UGT1A5: variants seen among roughly 807,000 people sequenced by gnomAD.
The protein encoded by UGT1A5 is UDP-glucuronosyltransferase 1A5.
In UGT1A5, 29 loss-of-function variants were observed where a neutral mutation model predicts 40.3. The ratio of observed to expected loss-of-function variants is 0.72; its 90% CI spans 0.54 to 0.98. The LOEUF is 0.98. UGT1A5 is among the 50% of genes least tolerant of loss of function. The pLI is 0.00. For missense variants in UGT1A5, 678 were observed against 677.9 expected, an observed-to-expected ratio of 1.00 and a Z score of 0.00; for synonymous variants, 257 against 262.5, an observed-to-expected ratio of 0.98 and a Z score of 0.20.
rs950702483 is a variant in UGT1A5 at position 233,748,193 on chromosome 2, C to G, written c.868-18841C>G. 9.0e-6 allele frequency: 14 copies of G among 1,552,524 alleles called. No individual in the cohort carries two copies. The Admixed American group carries it at 2.6e-4, about 28-fold the overall frequency. ...TATCTTTCTGGTGCTTTTATTTCTGCTTGTCGTAATAGCCTTCAGTGAGAT... is the reference window on the plus strand; with the variant it reads ...TATCTTTCTGGTGCTTTTATTTCTGGTTGTCGTAATAGCCTTCAGTGAGAT... On this transcript the variant is annotated intron_variant, in intron 1 of 4. Transcript: ENST00000373414.
chr2:233,732,318 G>A (rs1386419482), intron 1 of UGT1A5, among the ~76,000 whole-genome samples: 3 of 152,170 alleles, frequency 2.0e-5, no homozygotes, highest in African/African-American at 7.2e-5. Flanking sequence ...GTCTATTTTG[G>A]CTTTTGTTGC....
At chr2:233,724,957 G>A in intron 1 of UGT1A5, among the ~76,000 whole-genome samples, 1 of 142,916 alleles carries the variant, frequency 7.0e-6, no homozygotes, top group Non-Finnish European at 1.5e-5. Flanking sequence ...GGCACCTCGG[G>A]AGGCCGAGGT....
intron 1 of UGT1A5, chr2:233,729,832 T>G (rs1469458626): frequency 1.2e-6 from 2 of 1,613,822 alleles, no homozygotes; most frequent in African/African-American, 1.3e-5. Context: ...AAGCCTTGCC[T>G]CTGAGCTTTT....
At position 233,759,547 on chromosome 2, in the gene UGT1A5, A is replaced by G. The variant is rs1173613989; in HGVS notation, c.868-7487A>G. On this transcript the variant is annotated intron_variant, in intron 1 of 4. Transcript: ENST00000373414. ...GAAGACTTCTGTTCACATGCGCTCC[A>G]GTGAATTTCCCTTTCTGGTCATTCT... Among the ~76,000 whole-genome samples the G allele has an allele frequency of 8.5e-5, 13 of 152,244 alleles. No individual in the cohort carries two copies. The East Asian group carries it at 2.5e-3, about 29-fold the overall frequency.
intron 1 of UGT1A5, chr2:233,754,697 C>T (rs1559399199): frequency 1.4e-5 from 7 of 503,130 alleles, no homozygotes; most frequent in Admixed American, 1.2e-4. Flanking sequence ...CAGTGGAAGT[C>T]GACATGGACT....
At chr2:233,737,896 G>C (rs1414538821) in intron 1 of UGT1A5, among the ~76,000 whole-genome samples, 1 of 152,068 alleles carries the variant, frequency 6.6e-6, no homozygotes, top group Non-Finnish European at 1.5e-5. Context: ...TAATTTTCGA[G>C]TGTGGTAAAG....
At chr2:233,724,792 G>A (rs992945436) in intron 1 of UGT1A5, among the ~76,000 whole-genome samples, 1 of 140,672 alleles carries the variant, frequency 7.1e-6, no homozygotes, top group Non-Finnish European at 1.5e-5. Flanking sequence ...CTTCCCAGAC[G>A]GGGTGGCGGC....
chr2:233,762,997 ATCATT>A (rs1212266483), intron 1 of UGT1A5, among the ~76,000 whole-genome samples: 2 of 152,206 alleles, frequency 1.3e-5, no homozygotes, highest in African/African-American at 4.8e-5. Context: ...GAAATTGATT[ATCATT>A]TCATTATTTT....
At chr2:233,765,957 T>C (rs1248795427) in intron 1 of UGT1A5, among the ~76,000 whole-genome samples, 3 of 151,920 alleles carry the variant, frequency 2.0e-5, no homozygotes, top group Non-Finnish European at 2.9e-5. Flanking sequence ...TCACCGGCAG[T>C]GTCTAGAGGT....
chr2:233,743,994 TG>T, intron 1 of UGT1A5: 1 of 1,253,164 alleles, frequency 8.0e-7, no homozygotes, highest in Non-Finnish European at 1.0e-6. Flanking sequence ...CAGGCCCGAG[TG>T]CTCGGAGACC....
chr2:233,714,306 TAGAG>T (rs2076379080), intron 1 of UGT1A5, among the ~76,000 whole-genome samples: 3 of 152,124 alleles, frequency 2.0e-5, no homozygotes, highest in African/African-American at 7.2e-5. Context: ...TTGCAAAAGA[TAGAG>T]AGGTGACCAC....
At chr2:233,725,753 T>TA (rs1238799010) in intron 1 of UGT1A5, among the ~76,000 whole-genome samples, 1 of 152,188 alleles carries the variant, frequency 6.6e-6, no homozygotes, top group Non-Finnish European at 1.5e-5. Context: ...GTAAGAGACT[T>TA]ACATTTTCTT....
chr2:233,754,874 G>C, intron 1 of UGT1A5: 2 of 1,352,006 alleles, frequency 1.5e-6, no homozygotes, highest in Admixed American at 1.9e-5. Flanking sequence ...CTCTGCTTCT[G>C]CTTCCCAGGG....
chr2:233,772,072 C>T (rs1304190129), intron 4 of UGT1A5, among the ~76,000 whole-genome samples, 190 bp from the exon 5 acceptor site: 2 of 152,100 alleles, frequency 1.3e-5, no homozygotes, highest in Non-Finnish European at 2.9e-5. Flanking sequence ...ATGCTTGTGC[C>T]ACTACACTCC....
chr2:233,729,180 T>C (rs373402763), intron 1 of UGT1A5: 150 of 1,613,780 alleles, frequency 9.3e-5, no homozygotes, highest in Middle Eastern at 1.7e-4. Flanking sequence ...GACTGCTGCT[T>C]CTCCTCAGTG....
At position 233,772,792 on chromosome 2, in the gene UGT1A5, A is replaced by C; in HGVS notation, c.*233A>C. 2.5e-6 allele frequency: 3 copies of C among 1,219,898 alleles called. No individual in the cohort carries two copies. Among genetic ancestry groups the C allele is most frequent in the Non-Finnish European group, 3.3e-6 (3 of 917,948 alleles). The allele number at this position is 1,219,898 out of a possible 1,614,324, so 75.6% of individuals were successfully genotyped here. On this transcript the variant is annotated 3_prime_UTR_variant, in exon 5 of 5. Transcript: ENST00000373414. ...CTCTGGTGTCTTTGATCAGGATGAC[A>C]TGTGCCATTTTTCAGAGGACGTGCA...
chr2:233,745,917 G>A (rs976773367), intron 1 of UGT1A5, among the ~76,000 whole-genome samples: 1 of 151,628 alleles, frequency 6.6e-6, no homozygotes, highest in Non-Finnish European at 1.5e-5. Flanking sequence ...AGCTGAGGCA[G>A]TGATTCAGAA....
At chr2:233,764,170 A>C (rs1698494492) in intron 1 of UGT1A5, among the ~76,000 whole-genome samples, 1 of 152,226 alleles carries the variant, frequency 6.6e-6, no homozygotes, top group Non-Finnish European at 1.5e-5. Flanking sequence ...TCATCAGAAC[A>C]GGGAAATTCT....
chr2:233,749,337 T>C (rs10179091), intron 1 of UGT1A5, among the ~76,000 whole-genome samples: 73,841 of 151,468 alleles, frequency 0.49, 18,755 homozygotes, highest in South Asian at 0.6. Context: ...TGTTGAAAAG[T>C]GGGATGGAAT....
Sources: allele counts gnomAD v4.1 joint callset (sites outside exome capture counted in the v4.1 genomes callset), GRCh38; gene constraint gnomAD v4.1.1; transcripts MANE v1.5; gene names NCBI Gene and HGNC (gene_info 2026-07-23, HGNC 2026-07-21).